The following PIGK variants were observed in gnomAD, a reference collection of about 807,000 sequenced individuals.
PIGK encodes the protein phosphatidylinositol glycan anchor biosynthesis class K, also known as GPI-anchor transamidase.
PIGK carries 42 observed loss-of-function variants against 50.6 expected under a neutral mutation model. The observed-to-expected ratio is 0.83, with a 90% CI of 0.65 to 1.07. The LOEUF is 1.07. PIGK is among the 50% of genes least tolerant of loss of function. The probability of loss-of-function intolerance (pLI) is 0.00; values close to 1 mark genes in which losing one functional copy is unlikely to be tolerated. For missense variants in PIGK, 448 were observed against 488.7 expected, an observed-to-expected ratio of 0.92 and a Z score of 0.78; for synonymous variants, 151 against 156.0, an observed-to-expected ratio of 0.97 and a Z score of 0.24.
chr1:77,096,853 A>T (rs1391251602), intron 10 of PIGK, among the ~76,000 whole-genome samples: 5 of 145,010 alleles, frequency 3.4e-5, no homozygotes, highest in South Asian at 4.4e-4. Context: ...AAAAGTTCCC[A>T]TCTCCATACT....
chr1:77,171,008 A>G (rs1042818102), intron 3 of PIGK, among the ~76,000 whole-genome samples: 2 of 152,220 alleles, frequency 1.3e-5, no homozygotes, highest in Non-Finnish European at 2.9e-5. Flanking sequence ...CAGAATAGTG[A>G]GTCATTCCTC....
At chr1:77,145,123 A>C (rs1654738207) in intron 9 of PIGK, among the ~76,000 whole-genome samples, 1 of 151,980 alleles carries the variant, frequency 6.6e-6, no homozygotes, top group Admixed American at 6.6e-5. Context: ...TCATAGTTTC[A>C]TATTCTTCAC....
chr1:77,214,739 T>C (rs184776351), intron 1 of PIGK, among the ~76,000 whole-genome samples: 2 of 152,286 alleles, frequency 1.3e-5, no homozygotes, highest in Admixed American at 6.5e-5. Context: ...CATGATCTTA[T>C]ATTTAGAAAA....
intron 3 of PIGK, among the ~76,000 whole-genome samples, chr1:77,188,644 C>T (rs1276918160): frequency 6.6e-6 from 1 of 152,134 alleles, no homozygotes; most frequent in Non-Finnish European, 1.5e-5. Context: ...CCTATTCACA[C>T]CCTCCCTCCC....
rs1463225062 is a variant in PIGK, at chr1:77,208,256, AAATAT to A, written c.148-1530_148-1526del. 5.9e-5 allele frequency among the ~76,000 whole-genome samples: 9 copies of A among 152,160 alleles called. No homozygotes were observed. The South Asian group carries it at 1.9e-3, about 32-fold the overall frequency. On this transcript the variant is annotated intron_variant, in intron 2 of 10. Coordinates refer to ENST00000370812, the MANE Select transcript of PIGK (RefSeq NM_005482.3). ...ACTCCCTTTTTAATTTTAAAAAATA[AAATAT>A]AATTTATTAAAGTTTCACTATACTA...
intron 10 of PIGK, among the ~76,000 whole-genome samples, chr1:77,118,273 T>C (rs1017318147): frequency 1.3e-5 from 2 of 152,198 alleles, no homozygotes; most frequent in African/African-American, 4.8e-5. Flanking sequence ...GATCTCACTC[T>C]GTTGCCCAGG....
chr1:77,129,149 G>A (rs747954324), intron 9 of PIGK: 9 of 1,538,048 alleles, frequency 5.9e-6, no homozygotes, highest in Admixed American at 3.3e-5. Context: ...AGAACCCCAC[G>A]AAATCATGCA....
intron 1 of PIGK, among the ~76,000 whole-genome samples, chr1:77,212,602 G>C (rs1570267442): frequency 6.6e-6 from 1 of 152,104 alleles, no homozygotes; most frequent in Non-Finnish European, 1.5e-5. Context: ...TAGACAAAGT[G>C]AATGAATGAA....
At chr1:77,207,639 T>C (rs1656318862) in intron 2 of PIGK, among the ~76,000 whole-genome samples, 1 of 152,150 alleles carries the variant, frequency 6.6e-6, no homozygotes, top group South Asian at 2.1e-4. Flanking sequence ...AAAATCTAAT[T>C]CCATGCCTCA....
At chr1:77,111,501 G>A (rs1001742081) in intron 10 of PIGK, among the ~76,000 whole-genome samples, 3 of 151,138 alleles carry the variant, frequency 2.0e-5, no homozygotes, top group East Asian at 3.9e-4. Context: ...GCAAACTATC[G>A]CAAGGACAAA....
intron 1 of PIGK, among the ~76,000 whole-genome samples, chr1:77,211,068 T>G (rs1221173141): frequency 6.6e-6 from 1 of 152,008 alleles, no homozygotes; most frequent in African/African-American, 2.4e-5. Flanking sequence ...ACCATTTTTC[T>G]TACTATAATT....
intron 3 of PIGK, among the ~76,000 whole-genome samples, chr1:77,198,524 T>C (rs1446867702): frequency 6.6e-6 from 1 of 151,948 alleles, no homozygotes; most frequent in African/African-American, 2.4e-5. Context: ...AAAATAAAAA[T>C]TTATAGTCAA....
chr1:77,199,207 T>C (rs949924019), intron 3 of PIGK, among the ~76,000 whole-genome samples: 4 of 152,070 alleles, frequency 2.6e-5, no homozygotes, highest in African/African-American at 9.7e-5. Flanking sequence ...TCAGAACACA[T>C]TTCAACTTCC....
intron 3 of PIGK, chr1:77,195,406 CT>C: frequency 9.1e-7 from 1 of 1,096,202 alleles, no homozygotes; most frequent in Non-Finnish European, 1.3e-6. Flanking sequence ...GGAGTGAGAG[CT>C]TAGGGTGCTC....
chr1:77,210,129 T>C (rs1461593693), intron 2 of PIGK, among the ~76,000 whole-genome samples: 2 of 152,040 alleles, frequency 1.3e-5, no homozygotes, highest in Non-Finnish European at 1.5e-5. Flanking sequence ...AAATAACAGA[T>C]GCAATTAGTA....
At chr1:77,165,082 G>A (rs1167799550) in intron 5 of PIGK, among the ~76,000 whole-genome samples, 1 of 151,996 alleles carries the variant, frequency 6.6e-6, no homozygotes. Flanking sequence ...ATGCAACTGT[G>A]TTTCAATAAA....
At chr1:77,193,966 T>C (rs1022427345) in intron 3 of PIGK, among the ~76,000 whole-genome samples, 2 of 152,078 alleles carry the variant, frequency 1.3e-5, no homozygotes, top group African/African-American at 4.8e-5. Flanking sequence ...CCAGAATCTA[T>C]AAGGAGCTTA....
chr1:77,175,591 T>G (rs1312472231), intron 3 of PIGK, among the ~76,000 whole-genome samples: 2 of 152,124 alleles, frequency 1.3e-5, no homozygotes, highest in Non-Finnish European at 2.9e-5. Context: ...TAAGAAAGCA[T>G]GAGAATGTAA....
chr1:77,174,749 C>G (rs1655444206), intron 3 of PIGK, among the ~76,000 whole-genome samples: 1 of 152,120 alleles, frequency 6.6e-6, no homozygotes, highest in Non-Finnish European at 1.5e-5. Flanking sequence ...GAGAATGAGA[C>G]CCTTAATTTC....
Sources: allele counts gnomAD v4.1 joint callset (sites outside exome capture counted in the v4.1 genomes callset), GRCh38; gene constraint gnomAD v4.1.1; transcripts MANE v1.5; gene names NCBI Gene and HGNC (gene_info 2026-07-23, HGNC 2026-07-21).